EEIG2: variants seen among roughly 807,000 people sequenced by gnomAD.
The protein encoded by EEIG2 is EEIG family member 2, also known as family with sequence similarity 102 member B.
At chr1:108,628,934 T>C in the EEIG2 span, 3 of 731,980 alleles carry the variant, frequency 4.1e-6, no homozygotes, top group Non-Finnish European at 6.3e-6. Flanking sequence ...TTCATGCCCA[T>C]AAAAATATCA....
chr1:108,606,193 T>C, the EEIG2 span: 1 of 1,428,946 alleles, frequency 7.0e-7, no homozygotes. Flanking sequence ...CATTATGTGA[T>C]ATCCTTATAG....
the EEIG2 span, among the ~76,000 whole-genome samples, chr1:108,597,073 C>T: frequency 6.6e-6 from 1 of 152,122 alleles, no homozygotes; most frequent in Non-Finnish European, 1.5e-5. Flanking sequence ...TATTAAGAGA[C>T]TTTCCTCACT....
chr1:108,629,390 G>A, the EEIG2 span, among the ~76,000 whole-genome samples: 6 of 152,290 alleles, frequency 3.9e-5, no homozygotes, highest in African/African-American at 1.4e-4. Context: ...AAGAAAAAGA[G>A]TTTTAGAAAC....
chr1:108,570,208 T>A, the EEIG2 span, among the ~76,000 whole-genome samples: 1,459 of 152,250 alleles, frequency 9.6e-3, 23 homozygotes, highest in African/African-American at 0.033. Context: ...AGGGTTTTTT[T>A]AAAAGTCTAG....
the EEIG2 span, among the ~76,000 whole-genome samples, chr1:108,567,394 C>G: frequency 6.6e-6 from 1 of 152,106 alleles, no homozygotes; most frequent in African/African-American, 2.4e-5. Flanking sequence ...TGCTATTACT[C>G]TCATTTTATA....
chr1:108,568,956 G>A, the EEIG2 span, among the ~76,000 whole-genome samples: 1,459 of 152,270 alleles, frequency 9.6e-3, 23 homozygotes, highest in African/African-American at 0.033. Context: ...TTAGAATAAA[G>A]GGAGGAGAGG....
chr1:108,616,339 T>A, the EEIG2 span: 1 of 1,301,032 alleles, frequency 7.7e-7, no homozygotes, highest in Non-Finnish European at 1.1e-6. Flanking sequence ...AGGAAGCATT[T>A]TATAATTTTT....
the EEIG2 span, among the ~76,000 whole-genome samples, chr1:108,604,609 C>T: frequency 6.6e-6 from 1 of 151,934 alleles, no homozygotes; most frequent in Non-Finnish European, 1.5e-5. Context: ...GGAAGTTTAG[C>T]GAAGAAAATG....
At chr1:108,583,083 C>G in the EEIG2 span, among the ~76,000 whole-genome samples, 1 of 152,114 alleles carries the variant, frequency 6.6e-6, no homozygotes, top group Admixed American at 6.6e-5. Context: ...TAAAATATAG[C>G]TTTCCAGTGT....
At chr1:108,629,817 A>G in the EEIG2 span, 1 of 677,520 alleles carries the variant, frequency 1.5e-6, no homozygotes, top group South Asian at 1.6e-5. Flanking sequence ...TGTAGCTCTC[A>G]GTTTTCTTAA....
the EEIG2 span, chr1:108,600,650 C>T: frequency 2.5e-6 from 4 of 1,609,618 alleles, no homozygotes; most frequent in East Asian, 4.5e-5. Flanking sequence ...CCACAGGCAT[C>T]CTAGATCCTT....
At chr1:108,586,533 A>C in the EEIG2 span, among the ~76,000 whole-genome samples, 2 of 152,104 alleles carry the variant, frequency 1.3e-5, no homozygotes, top group African/African-American at 4.8e-5. Context: ...AGATCTGCTG[A>C]GTCTAAAATT....
the EEIG2 span, among the ~76,000 whole-genome samples, chr1:108,603,153 T>C: frequency 1.3e-5 from 2 of 152,250 alleles, no homozygotes; most frequent in South Asian, 4.1e-4. Context: ...TTGAGAGGCT[T>C]AGAATCCATA....
chr1:108,595,064 A>G, the EEIG2 span, among the ~76,000 whole-genome samples: 1 of 152,176 alleles, frequency 6.6e-6, no homozygotes, highest in African/African-American at 2.4e-5. Flanking sequence ...GCTGCCCTCC[A>G]TTTGTGCAAA....
the EEIG2 span, chr1:108,626,147 C>G: frequency 6.6e-6 from 1 of 152,168 alleles, no homozygotes; most frequent in Non-Finnish European, 1.5e-5. Context: ...TATTGATGTT[C>G]CAAAGGGTTT....
chr1:108,624,747 A>G, the EEIG2 span: 1 of 1,612,708 alleles, frequency 6.2e-7, no homozygotes. Context: ...TTGGAATAGC[A>G]GGTATGGATG....
the EEIG2 span, chr1:108,629,563 C>G: frequency 6.6e-7 from 1 of 1,516,630 alleles, no homozygotes; most frequent in South Asian, 1.2e-5. Context: ...GTACATGTAA[C>G]AAACATTTTA....
At chr1:108,587,205 T>C in the EEIG2 span, among the ~76,000 whole-genome samples, 2 of 152,094 alleles carry the variant, frequency 1.3e-5, no homozygotes, top group African/African-American at 4.8e-5. Context: ...TTTTTAAGAG[T>C]TGTGGAGAAC....
the EEIG2 span, chr1:108,560,370 C>T: frequency 6.9e-7 from 1 of 1,443,480 alleles, no homozygotes; most frequent in Non-Finnish European, 9.2e-7. Context: ...CGGGGCTCGG[C>T]CAAGCTGAGG....
Sources: allele counts gnomAD v4.1 joint callset (sites outside exome capture counted in the v4.1 genomes callset), GRCh38; gene constraint gnomAD v4.1.1; transcripts MANE v1.5; gene names NCBI Gene and HGNC (gene_info 2026-07-23, HGNC 2026-07-21).